CAPN13: variants seen among roughly 807,000 people sequenced by gnomAD.
CAPN13 encodes the protein calpain-13.
Under a neutral mutation model 98.4 loss-of-function variants are expected in CAPN13, and 90 were observed. The ratio of observed to expected loss-of-function variants is 0.92; its 90% CI spans 0.77 to 1.09. The LOEUF (loss-of-function observed/expected upper bound fraction) is 1.09. Ranked by LOEUF, CAPN13 falls within the 50% of genes least tolerant of loss-of-function variation. CAPN13 has a pLI of 0.00. For missense variants in CAPN13, 887 were observed against 841.3 expected (o/e 1.05, Z -0.67); for synonymous variants, 330 against 305.5 (o/e 1.08, Z -0.84).
intron 11 of CAPN13, among the ~76,000 whole-genome samples, chr2:30,747,686 C>T (rs1671981151): frequency 1.3e-5 from 2 of 152,228 alleles, no homozygotes; most frequent in South Asian, 2.1e-4. Flanking sequence ...CAGGTCAGCA[C>T]TGGAGCCCTG....
chr2:30,742,683 G>A (rs529625234), intron 13 of CAPN13, among the ~76,000 whole-genome samples: 41 of 152,266 alleles, frequency 2.7e-4, no homozygotes, highest in Middle Eastern at 6.8e-3. Flanking sequence ...TGGCGGCCTG[G>A]CATGCTGGAC....
At chr2:30,735,787 T>C (rs1328374080) in intron 18 of CAPN13, among the ~76,000 whole-genome samples, 1 of 152,250 alleles carries the variant, frequency 6.6e-6, no homozygotes, top group African/African-American at 2.4e-5. Context: ...GATGTATTTA[T>C]TGGCATTTAT....
intron 8 of CAPN13, among the ~76,000 whole-genome samples, chr2:30,757,005 C>T (rs11688018): frequency 0.33 from 50,874 of 152,080 alleles, 8,606 homozygotes; most frequent in South Asian, 0.44. Flanking sequence ...GGGCATCAGG[C>T]CTAGAACTGG....
chr2:30,775,124 G>T (rs1673617288), intron 4 of CAPN13, among the ~76,000 whole-genome samples: 1 of 152,166 alleles, frequency 6.6e-6, no homozygotes. Context: ...TTCTGTTAAA[G>T]AAAGAATTAA....
At chr2:30,735,457 G>A (rs1326267499) in intron 18 of CAPN13, among the ~76,000 whole-genome samples, 1 of 152,240 alleles carries the variant, frequency 6.6e-6, no homozygotes, top group Non-Finnish European at 1.5e-5. Flanking sequence ...CTTTTGGTGA[G>A]TGCAAGGACA....
rs756462915 is a variant in CAPN13, at chr2:30,736,498, C to G, written c.1722+5G>C. Reference sequence around the variant, plus strand: ...GAGTGCTAGTCACAGAGAATGTGCCCGTACCTGGTAGTGAACAAGGCGCTT... The same window carrying G: ...GAGTGCTAGTCACAGAGAATGTGCCGGTACCTGGTAGTGAACAAGGCGCTT... On this transcript the variant is annotated splice_donor_5th_base_variant and intron_variant, in intron 18 of 22. Coordinates refer to ENST00000295055, the MANE Select transcript of CAPN13 (RefSeq NM_144575.3). 6.2e-6 allele frequency: 10 copies of G among 1,613,820 alleles called. No homozygotes were observed. Among genetic ancestry groups the G allele is most frequent in the Non-Finnish European group, 8.5e-6 (10 of 1,179,726 alleles).
chr2:30,743,514 A>T lies in CAPN13; in HGVS notation c.1314T>A (p.Asn438Lys). The change falls in exon 13 of 23, where the codon AAT (asparagine) becomes AAA (lysine). Residue 438 changes from asparagine (N) to lysine (K), a missense_variant. Asn to Lys is a moderately conservative substitution (Grantham distance 94, BLOSUM62 0). Transcript: ENST00000295055. ...TGGTGAAGTTGCGGCGGAATTTATT[A>T]TTTGAGCTTTGGACAGTGTTTCTGA... ...SSFRNTVQSS[N>K]NKFRRNFTMT... is the part of the protein sequence containing the mutation. 1 of 1,613,910 alleles carries T rather than the reference A, an allele frequency of 6.2e-7. No homozygotes were observed. The highest frequency in any genetic ancestry group is 8.5e-7 in the Non-Finnish European group (1 of 1,179,864).
chr2:30,758,181 A>T lies in CAPN13; in HGVS notation c.775-44T>A, dbSNP rs374277212. On this transcript the variant is annotated intron_variant, in intron 7 of 22. Coordinates refer to ENST00000295055, the MANE Select transcript of CAPN13 (RefSeq NM_144575.3). ...AGGAAACTCAGTGCTCTACAGCAAA[A>T]GTCAGCAGAAAGGGGGATGAATGCA... 15 of 1,451,502 alleles carry T rather than the reference A, an allele frequency of 1.0e-5. No individual in the cohort carries two copies. The African/African-American group carries it at 2.1e-4, about 21-fold the overall frequency. The allele number at this position is 1,451,502 out of a possible 1,614,324, so 89.9% of individuals were successfully genotyped here.
intron 1 of CAPN13, among the ~76,000 whole-genome samples, chr2:30,791,038 G>C (rs1289500653): frequency 6.6e-6 from 1 of 152,100 alleles, no homozygotes; most frequent in Non-Finnish European, 1.5e-5. Context: ...AATTTGTTGG[G>C]GGAGGGGGAC....
chr2:30,749,916 A>G (rs966070951), intron 11 of CAPN13, among the ~76,000 whole-genome samples: 5 of 152,186 alleles, frequency 3.3e-5, no homozygotes, highest in African/African-American at 1.2e-4. Context: ...CTTTTAAATG[A>G]TATTTAAAAA....
intron 1 of CAPN13, among the ~76,000 whole-genome samples, chr2:30,798,585 A>G (rs988420830): frequency 2.6e-5 from 4 of 152,194 alleles, no homozygotes; most frequent in Admixed American, 6.5e-5. Flanking sequence ...TTTTGTTTTC[A>G]ATCAGCTAAG....
At chr2:30,766,716 A>G (rs545498669) in intron 5 of CAPN13, among the ~76,000 whole-genome samples, 1 of 152,346 alleles carries the variant, frequency 6.6e-6, no homozygotes, top group South Asian at 2.1e-4. Context: ...GAATTCAGAT[A>G]GAGCCAGAGA....
At chr2:30,780,558 C>T (rs952562950) in intron 2 of CAPN13, among the ~76,000 whole-genome samples, 2 of 142,506 alleles carry the variant, frequency 1.4e-5, no homozygotes, top group African/African-American at 5.1e-5. Flanking sequence ...AAGTTAAAAA[C>T]AAAAATTTTA....
intron 11 of CAPN13, among the ~76,000 whole-genome samples, chr2:30,748,284 G>A (rs561518868): frequency 2.0e-3 from 309 of 152,306 alleles, no homozygotes; most frequent in African/African-American, 6.8e-3. Flanking sequence ...AGAGGTGAGA[G>A]CTGGAAAATC....
At chr2:30,784,672 T>A (rs540715798) in intron 2 of CAPN13, among the ~76,000 whole-genome samples, 241 of 152,308 alleles carry the variant, frequency 1.6e-3, no homozygotes, top group Middle Eastern at 3.4e-3. Flanking sequence ...ACAAGGGTCA[T>A]GTAACATGGT....
chr2:30,750,600 C>T (rs1672126732), intron 11 of CAPN13, among the ~76,000 whole-genome samples: 1 of 152,154 alleles, frequency 6.6e-6, no homozygotes, highest in African/African-American at 2.4e-5. Context: ...AACACACCTC[C>T]CCTCCTGGAT....
chr2:30,786,976 T>G (rs1436592271), intron 2 of CAPN13, among the ~76,000 whole-genome samples, 152 bp downstream of exon 2: 1 of 152,178 alleles, frequency 6.6e-6, no homozygotes, highest in Non-Finnish European at 1.5e-5. Context: ...CTTCCCATCC[T>G]GCTGAGTAGC....
At chr2:30,772,552 C>T (rs1233721889) in intron 4 of CAPN13, among the ~76,000 whole-genome samples, 1 of 152,190 alleles carries the variant, frequency 6.6e-6, no homozygotes, top group Non-Finnish European at 1.5e-5. Flanking sequence ...AGACACAGCT[C>T]AATCCTGGAT....
chr2:30,778,880 C>T (rs761754327), intron 2 of CAPN13, among the ~76,000 whole-genome samples: 13 of 152,276 alleles, frequency 8.5e-5, no homozygotes, highest in Admixed American at 2.0e-4. Context: ...CCAGAGCCAT[C>T]GTGGGCAGAA....
Sources: gnomAD v4.1 joint callset for allele counts (sites outside exome capture counted in the v4.1 genomes callset) on GRCh38, gnomAD v4.1.1 for gene constraint, MANE v1.5 for transcripts, NCBI Gene and HGNC (gene_info 2026-07-23, HGNC 2026-07-21) for gene names.